NELL1: variants seen among roughly 807,000 people sequenced by gnomAD.
NELL1 encodes the protein protein kinase C-binding protein NELL1.
Under a neutral mutation model 107.4 loss-of-function variants are expected in NELL1, and 76 were observed. The observed-to-expected ratio is 0.71, with a 90% CI of 0.59 to 0.86. NELL1 has a LOEUF of 0.86. Among genes scored for constraint, NELL1 ranks in the 40% least tolerant of loss-of-function variants. NELL1 has a pLI of 0.00. For synonymous variants in NELL1, 353 were observed against 341.2 expected, an observed-to-expected ratio of 1.03 and a Z score of -0.38; for missense variants, 1,024 against 1,005.5, an observed-to-expected ratio of 1.02 and a Z score of -0.25.
At chr11:21,218,957 A>C (rs1285222294) in intron 13 of NELL1, among the ~76,000 whole-genome samples, 7 of 152,172 alleles carry the variant, frequency 4.6e-5, no homozygotes, top group African/African-American at 1.7e-4. Flanking sequence ...ATGGGGGTGC[A>C]AATATCTCTT....
chr11:20,822,233 G>T (rs1260134802), intron 3 of NELL1, among the ~76,000 whole-genome samples: 1 of 152,152 alleles, frequency 6.6e-6, no homozygotes, highest in Admixed American at 6.5e-5. Context: ...AAGTTGAAGA[G>T]GTAAGCTCAA....
At chr11:21,208,902 A>G (rs924186668) in intron 13 of NELL1, among the ~76,000 whole-genome samples, 2 of 152,146 alleles carry the variant, frequency 1.3e-5, no homozygotes, top group Non-Finnish European at 2.9e-5. Context: ...CTCCAATACT[A>G]AAGTTTCTGC....
chr11:21,404,452 A>C (rs367905401), intron 15 of NELL1, among the ~76,000 whole-genome samples: 1 of 151,892 alleles, frequency 6.6e-6, no homozygotes. Context: ...TTTCTGATTT[A>C]CCTTCTCCAG....
chr11:20,991,756 C>G (rs1032464450), intron 12 of NELL1, among the ~76,000 whole-genome samples: 1 of 152,158 alleles, frequency 6.6e-6, no homozygotes, highest in Non-Finnish European at 1.5e-5. Context: ...GCTCTGGGAA[C>G]GATACTCGCT....
chr11:20,776,689 A>G (rs182052866), intron 2 of NELL1, among the ~76,000 whole-genome samples: 4 of 152,256 alleles, frequency 2.6e-5, no homozygotes, highest in Admixed American at 2.0e-4. Flanking sequence ...GGAGTGTACC[A>G]AAATGGGTAG....
intron 14 of NELL1, among the ~76,000 whole-genome samples, chr11:21,301,366 G>T (rs1344223326): frequency 6.6e-6 from 1 of 152,160 alleles, no homozygotes; most frequent in Non-Finnish European, 1.5e-5. Flanking sequence ...CACCAACAGT[G>T]TAAAAGCATT....
At chr11:20,742,890 G>C (rs1039723615) in intron 2 of NELL1, among the ~76,000 whole-genome samples, 3 of 152,110 alleles carry the variant, frequency 2.0e-5, no homozygotes, top group Non-Finnish European at 2.9e-5. Flanking sequence ...GGCAGGTAGG[G>C]GAGGGAAGAG....
intron 15 of NELL1, among the ~76,000 whole-genome samples, chr11:21,448,701 T>C (rs1021984549): frequency 1.3e-5 from 2 of 152,184 alleles, no homozygotes; most frequent in African/African-American, 4.8e-5. Flanking sequence ...AATTTCCTCA[T>C]CCATTTTTAT....
chr11:20,975,313 G>C (rs1851583551), intron 12 of NELL1, among the ~76,000 whole-genome samples: 1 of 151,842 alleles, frequency 6.6e-6, no homozygotes, highest in African/African-American at 2.4e-5. Flanking sequence ...ACCGCACCCG[G>C]CTGGGGCTTC....
At position 21,132,359 on chromosome 11, in the gene NELL1, C is replaced by T. The variant is rs78625152; in HGVS notation, c.1426+18645C>T. Among the ~76,000 whole-genome samples, 1,445 of 152,252 alleles carry T rather than the reference C, an allele frequency of 9.5e-3. 63 individuals carry two copies. The East Asian group carries it at 0.11, about 12-fold the overall frequency. The stretch of plus-strand genomic sequence containing the variant: ...CCTCCCGTCTAAGTATTGCTCAGGC[C>T]CATTGGGCTCGTTCCATCCTCTTGG... On this transcript the variant is annotated intron_variant, in intron 13 of 19. Coordinates refer to ENST00000357134, the MANE Select transcript of NELL1 (RefSeq NM_006157.5).
rs185779057 is a variant in NELL1 at position 21,271,979 on chromosome 11, T to C, written c.1549+42525T>C. On this transcript the variant is annotated intron_variant, in intron 14 of 19. Transcript: ENST00000357134. ...AGTCCACAGTTCCCAGCATGAGCGATGCAGAAGATGGGTGATTTCTGCATT... is the reference window on the plus strand; with the variant it reads ...AGTCCACAGTTCCCAGCATGAGCGACGCAGAAGATGGGTGATTTCTGCATT... Among the ~76,000 whole-genome samples, 573 of 152,232 alleles carry C rather than the reference T, an allele frequency of 3.8e-3. 4 individuals carry two copies. The highest frequency in any genetic ancestry group is 0.013 in the African/African-American group (547 of 41,510).
chr11:21,523,001 C>T (rs1026970394), intron 15 of NELL1, among the ~76,000 whole-genome samples: 6 of 151,486 alleles, frequency 4.0e-5, no homozygotes, highest in South Asian at 2.1e-4. Context: ...CCCACCACCA[C>T]GCCCGGCTGA....
At chr11:21,395,856 C>CA (rs904158089) in intron 15 of NELL1, among the ~76,000 whole-genome samples, 9 of 149,914 alleles carry the variant, frequency 6.0e-5, no homozygotes, top group South Asian at 2.1e-4. Flanking sequence ...AACATCAATC[C>CA]AAAAAAAATC....
At chr11:20,997,241 G>C (rs1590518056) in intron 12 of NELL1, among the ~76,000 whole-genome samples, 1 of 152,304 alleles carries the variant, frequency 6.6e-6, no homozygotes. Flanking sequence ...GGATTTAAGA[G>C]TTTAAGTTTC....
intron 15 of NELL1, among the ~76,000 whole-genome samples, chr11:21,376,970 T>C (rs1038330467): frequency 3.3e-5 from 5 of 152,054 alleles, no homozygotes; most frequent in Admixed American, 6.6e-5. Flanking sequence ...TTTCTAGATA[T>C]AGGATTGTAT....
chr11:21,281,662 G>C (rs1224278171), intron 14 of NELL1, among the ~76,000 whole-genome samples: 1 of 152,032 alleles, frequency 6.6e-6, no homozygotes, highest in African/African-American at 2.4e-5. Context: ...TAGCCACAGG[G>C]GTACTTGTGT....
intron 5 of NELL1, among the ~76,000 whole-genome samples, chr11:20,913,029 G>A (rs1451856203): frequency 6.6e-6 from 1 of 152,132 alleles, no homozygotes; most frequent in Non-Finnish European, 1.5e-5. Flanking sequence ...AAGTCGACAA[G>A]TGTCTTTCTT....
chr11:21,443,951 CATTAT>C (rs1853356043), intron 15 of NELL1, among the ~76,000 whole-genome samples: 1 of 151,624 alleles, frequency 6.6e-6, no homozygotes, highest in Non-Finnish European at 1.5e-5. Context: ...GATACTATTA[CATTAT>C]AAGAAGGAAA....
rs377327940 is a variant in NELL1 at position 21,498,772 on chromosome 11, G to C, written c.1646-35602G>C. Among the ~76,000 whole-genome samples, 26 of 152,098 alleles carry C rather than the reference G, an allele frequency of 1.7e-4. No individual in the cohort carries two copies. The East Asian group carries it at 2.9e-3, about 17-fold the overall frequency. ...GATTTACCCATTTATACCATTGTAG[G>C]AGAGTTGCTTTTCTACATATTTTCA... On this transcript the variant is annotated intron_variant, in intron 15 of 19. Transcript: ENST00000357134.
Sources: gnomAD v4.1 joint callset for allele counts (sites outside exome capture counted in the v4.1 genomes callset) on GRCh38, gnomAD v4.1.1 for gene constraint, MANE v1.5 for transcripts, NCBI Gene and HGNC (gene_info 2026-07-23, HGNC 2026-07-21) for gene names.